Variants in SFSWAP observed in about 807,000 individuals in gnomAD.
The protein encoded by SFSWAP is splicing factor, suppressor of white-apricot homolog.
Under a neutral mutation model 100.7 loss-of-function variants are expected in SFSWAP, and 17 were observed. The ratio of observed to expected loss-of-function variants is 0.17; its 90% CI spans 0.12 to 0.25. The LOEUF is 0.25. Ranked by LOEUF, SFSWAP falls within the 10% of genes least tolerant of loss-of-function variation. The pLI is 1.00. For synonymous variants in SFSWAP, 504 were observed against 510.1 expected (o/e 0.99, Z 0.16); for missense variants, 1,005 against 1,262.6 (o/e 0.80, Z 3.09).
intron 15 of SFSWAP, chr12:131,796,337 C>G (rs1322972397): frequency 1.3e-5 from 2 of 152,396 alleles, no homozygotes; most frequent in East Asian, 3.9e-4. Flanking sequence ...GAAGCTAGAC[C>G]AGGTGGAAGC....
intron 14 of SFSWAP, chr12:131,785,067 TCA>T: frequency 6.5e-7 from 1 of 1,532,552 alleles, no homozygotes; most frequent in East Asian, 2.4e-5. Context: ...TGCCTCCGTG[TCA>T]CAGAGTCACA....
intron 8 of SFSWAP, 90 bp from the exon 9 acceptor site, chr12:131,754,278 G>A: frequency 2.1e-6 from 2 of 972,644 alleles, no homozygotes; most frequent in Non-Finnish European, 1.5e-6. Flanking sequence ...GTCTCTCCGG[G>A]CATCTGAGGC....
chr12:131,775,667 G>T (rs1440889433), intron 13 of SFSWAP, among the ~76,000 whole-genome samples: 1 of 152,160 alleles, frequency 6.6e-6, no homozygotes, highest in Non-Finnish European at 1.5e-5. Context: ...TTTATTTATT[G>T]TATGTTTAAT....
At chr12:131,721,048 C>T (rs1222021143) in intron 4 of SFSWAP, among the ~76,000 whole-genome samples, 1 of 152,188 alleles carries the variant, frequency 6.6e-6, no homozygotes. Context: ...AGGGAGCAGG[C>T]ATGTCTAAGC....
rs997287796 is a variant in SFSWAP, at chr12:131,766,037, C to G, written c.1952-81C>G. On this transcript the variant is annotated intron_variant, in intron 12 of 17. Coordinates refer to ENST00000261674, the MANE Select transcript of SFSWAP (RefSeq NM_004592.4). ...CTTTAACTAACTGCATTGTATGACA[C>G]TTTTGCAACCTGTGAAAATTAAGAT... is the stretch of plus-strand genomic sequence containing the variant. 3 of 1,419,868 alleles carry G rather than the reference C, an allele frequency of 2.1e-6. No homozygotes were observed. In the African/African-American group the frequency reaches 4.3e-5, roughly 20 times the overall value. The allele number at this position is 1,419,868 out of a possible 1,614,324, so 88.0% of individuals were successfully genotyped here. A position where few individuals can be genotyped will look rare whatever the true frequency, so the allele number is the denominator to read the frequency against.
At position 131,783,806 on chromosome 12, in the gene SFSWAP, A is replaced by G. The variant is rs925984859; in HGVS notation, c.2409-2657A>G. ...AAAAAAACATTTTATATATATATAT[A>G]TATATATATATATATAATTCTTTGT... On this transcript the variant is annotated intron_variant, in intron 14 of 17. Coordinates refer to ENST00000261674, the MANE Select transcript of SFSWAP (RefSeq NM_004592.4). 203 of 132,190 alleles carry G rather than the reference A, an allele frequency of 1.5e-3. 10 individuals carry two copies. The highest frequency in any genetic ancestry group is 5.1e-3 in the African/African-American group (194 of 38,402). The allele number at this position is 132,190 out of a possible 1,614,324, so 8.2% of individuals were successfully genotyped here.
intron 7 of SFSWAP, among the ~76,000 whole-genome samples, chr12:131,748,147 T>C (rs1486491321): frequency 6.6e-6 from 1 of 152,198 alleles, no homozygotes; most frequent in Admixed American, 6.5e-5. Flanking sequence ...CTTTAACATT[T>C]CTTATTAAAA....
At position 131,728,348 on chromosome 12, in the gene SFSWAP, A is replaced by T. The variant is rs1334089776; in HGVS notation, c.1001A>T (p.Gln334Leu). ...CTCGCAGCACTTGTTCGTAAGGCAC[A>T]GGCTGACAGTTCCACTCCCACCCCA... ...HPLAALVRKA[Q>L]ADSSTPTPHN... is the part of the protein sequence containing the mutation. The change falls in exon 7 of 18, where the codon CAG becomes CTG. Residue 334 changes from glutamine (Q) to leucine (L), a missense_variant. Gln to Leu is a moderately radical substitution (Grantham distance 113). Around this residue, in one of 7 missense-constraint regions of SFSWAP, gnomAD observed 22 missense variants for 52.6 expected, o/e 0.42. Transcript: ENST00000261674. 1 of 1,614,122 alleles carries T rather than the reference A, an allele frequency of 6.2e-7. No homozygotes were observed. Among genetic ancestry groups the T allele is most frequent in the Non-Finnish European group, 8.5e-7 (1 of 1,180,032 alleles).
chr12:131,740,820 G>A (rs1880530711), intron 7 of SFSWAP, among the ~76,000 whole-genome samples: 1 of 152,130 alleles, frequency 6.6e-6, no homozygotes, highest in African/African-American at 2.4e-5. Flanking sequence ...CAGCCCTGCA[G>A]CTGCCCAGCC....
chr12:131,789,512 G>A (rs770747950), intron 15 of SFSWAP, among the ~76,000 whole-genome samples: 8 of 151,942 alleles, frequency 5.3e-5, no homozygotes, highest in Non-Finnish European at 1.0e-4. Context: ...CCCCCACCTG[G>A]GTAACAGAGT....
chr12:131,736,774 C>T (rs368310836), intron 7 of SFSWAP, among the ~76,000 whole-genome samples: 1 of 151,962 alleles, frequency 6.6e-6, no homozygotes, highest in Non-Finnish European at 1.5e-5. Flanking sequence ...TTTGTATATG[C>T]GAGTTTGGGT....
At position 131,778,667 on chromosome 12, in the gene SFSWAP, A is replaced by G. The variant is rs1237095080; in HGVS notation, c.2408+337A>G. On this transcript the variant is annotated intron_variant, in intron 14 of 17. Transcript: ENST00000261674. This position sits in a 1 kb window ranked among gnomAD's most constrained non-coding sequence, Gnocchi z 4.2. Reference sequence around the variant, plus strand: ...TGAGTAGCTGGGATTACAGGTGCCCACCACCACGCCTGGCTAATTTTTGTA... The same window carrying G: ...TGAGTAGCTGGGATTACAGGTGCCCGCCACCACGCCTGGCTAATTTTTGTA... 1.3e-5 allele frequency among the ~76,000 whole-genome samples: 2 copies of G among 152,044 alleles called. No individual in the cohort carries two copies. The highest frequency in any genetic ancestry group is 2.9e-5 in the Non-Finnish European group (2 of 67,992).
chr12:131,726,952 G>C lies in SFSWAP; in HGVS notation c.845G>C (p.Ser282Thr). 1 of 1,591,518 alleles carries C rather than the reference G, an allele frequency of 6.3e-7. No individual in the cohort carries two copies. Among genetic ancestry groups the C allele is most frequent in the East Asian group, 2.2e-5 (1 of 44,468 alleles). The change falls in exon 6 of 18, where the codon AGC becomes ACC. Residue 282 changes from serine (S) to threonine (T), a missense_variant. Ser to Thr is a moderately conservative substitution (Grantham distance 58, BLOSUM62 1). This residue lies in a region of SFSWAP where 54 missense variants were observed against 51.9 expected (regional missense o/e 1.04). Transcript: ENST00000261674. ...KSDEKKKSGV[S>T]SDNEDDDDEE... ...ATTTTGATTTCAGAATCAGGAGTCA[G>C]CTCTGACAATGAAGATGATGATGAT... is the stretch of plus-strand genomic sequence containing the variant.
At chr12:131,787,542 C>T (rs180820878) in intron 15 of SFSWAP, among the ~76,000 whole-genome samples, 1 of 152,202 alleles carries the variant, frequency 6.6e-6, no homozygotes, top group Non-Finnish European at 1.5e-5. Flanking sequence ...ACCGTGTCTG[C>T]GTCTGGAGCT....
chr12:131,787,506 G>A (rs898441995), intron 15 of SFSWAP, among the ~76,000 whole-genome samples: 2 of 152,192 alleles, frequency 1.3e-5, no homozygotes, highest in African/African-American at 2.4e-5. Context: ...TGTGGAGTTC[G>A]TGCAGCCTCC....
At chr12:131,726,447 T>G (rs1448462742) in intron 5 of SFSWAP, among the ~76,000 whole-genome samples, 1 of 152,176 alleles carries the variant, frequency 6.6e-6, no homozygotes, top group Non-Finnish European at 1.5e-5. Context: ...TGACCTCAGG[T>G]GATCCACCCG....
At chr12:131,726,658 T>C (rs1184637772) in intron 5 of SFSWAP, among the ~76,000 whole-genome samples, 2 of 152,216 alleles carry the variant, frequency 1.3e-5, no homozygotes, top group Non-Finnish European at 2.9e-5. Flanking sequence ...TTTTTGCCCT[T>C]TTTTAAAAAA....
rs528356344 is a variant in SFSWAP, at chr12:131,756,378, G to A, written c.1549-95G>A. On this transcript the variant is annotated intron_variant, in intron 10 of 17. Coordinates refer to ENST00000261674, the MANE Select transcript of SFSWAP (RefSeq NM_004592.4). ...GCTTGGGCAGTAATGTACAATTGCC[G>A]TTGTCCAGTGAAACATATACCGTAT... is the stretch of plus-strand genomic sequence containing the variant. The A allele has an allele frequency of 8.9e-4, 964 of 1,079,032 alleles. 12 individuals carry two copies. The South Asian group carries it at 0.012, about 13-fold the overall frequency. 66.8% of individuals were successfully genotyped at this position (1,079,032 alleles called of 1,614,324 possible). A position where few individuals can be genotyped will look rare whatever the true frequency, so the allele number is the denominator to read the frequency against.
rs568768973 is a variant in SFSWAP at position 131,719,467 on chromosome 12, C to T, written c.534C>T (p.Ala178=). 442 of 1,613,866 alleles carry T rather than the reference C, an allele frequency of 2.7e-4. 2 individuals carry two copies. In the South Asian group the frequency reaches 4.3e-3, roughly 16 times the overall value. Residue 178 remains alanine (A), a synonymous_variant, in exon 4 of 18, where the codon GCC becomes GCT. Coordinates refer to ENST00000261674, the MANE Select transcript of SFSWAP (RefSeq NM_004592.4). Reference sequence around the variant, plus strand: ...CTTTTTATGCAGAAAAAAATGAGGCCGAAAATTTAGAGGAAAATGAAGAGC... The same window carrying T: ...CTTTTTATGCAGAAAAAAATGAGGCTGAAAATTTAGAGGAAAATGAAGAGC... ...EPSKQREKNE[A]ENLEENEEPF...
Sources: allele counts gnomAD v4.1 joint callset (sites outside exome capture counted in the v4.1 genomes callset), GRCh38; gene constraint gnomAD v4.1.1; regional missense constraint gnomAD v4.1.1; non-coding constraint Gnocchi (gnomAD v3.1); transcripts MANE v1.5; gene names NCBI Gene and HGNC (gene_info 2026-07-23, HGNC 2026-07-21).